The following ZFAT variants were observed in gnomAD, a reference collection of about 807,000 sequenced individuals.
ZFAT encodes zinc finger protein ZFAT.
In ZFAT, 64 loss-of-function variants were observed where a neutral mutation model predicts 117.7. The ratio of observed to expected loss-of-function variants is 0.54; its 90% CI spans 0.44 to 0.67. ZFAT has a LOEUF of 0.67. ZFAT is among the 30% of genes least tolerant of loss of function. The pLI, the probability that ZFAT is intolerant of heterozygous loss-of-function variation, is 0.00. For synonymous variants in ZFAT, 679 were observed against 615.0 expected, an observed-to-expected ratio of 1.10 and a Z score of -1.54; for missense variants, 1,433 against 1,584.5, an observed-to-expected ratio of 0.90 and a Z score of 1.62.
intron 1 of ZFAT, among the ~76,000 whole-genome samples, chr8:134,669,938 C>T (rs1228691297): frequency 1.3e-5 from 2 of 152,150 alleles, no homozygotes; most frequent in African/African-American, 4.8e-5. Flanking sequence ...ACAAAAAAGG[C>T]AGAGGTTGCA....
intron 15 of ZFAT, among the ~76,000 whole-genome samples, chr8:134,496,489 G>T (rs1339555731): frequency 6.6e-6 from 1 of 152,210 alleles, no homozygotes; most frequent in Non-Finnish European, 1.5e-5. Context: ...CCTGTGGTAG[G>T]GTATGCACTG....
At chr8:134,500,202 T>G (rs1229665543) in intron 15 of ZFAT, among the ~76,000 whole-genome samples, 3 of 152,124 alleles carry the variant, frequency 2.0e-5, no homozygotes, top group Non-Finnish European at 4.4e-5. Context: ...AGATGTCAAT[T>G]AAAACCGACC....
At chr8:134,800,778 G>GT in the ZFAT span, among the ~76,000 whole-genome samples, 3 of 152,036 alleles carry the variant, frequency 2.0e-5, no homozygotes, top group African/African-American at 7.2e-5. Flanking sequence ...TTGGGTGTTT[G>GT]TTTTTTTGGA....
chr8:134,546,867 G>A (rs2130668174), intron 11 of ZFAT, among the ~76,000 whole-genome samples: 1 of 152,306 alleles, frequency 6.6e-6, no homozygotes, highest in Middle Eastern at 3.4e-3. Flanking sequence ...TATTATCATT[G>A]ACAGTTTACA....
At position 134,682,549 on chromosome 8, in the gene ZFAT, G is replaced by A. The variant is rs538075913; in HGVS notation, c.20-24812C>T. 7.9e-5 allele frequency among the ~76,000 whole-genome samples: 12 copies of A among 152,340 alleles called. No individual in the cohort carries two copies. In the East Asian group the frequency reaches 2.3e-3, roughly 29 times the overall value. ...GCCTGCCTGTGGTCACAGCTACTGG[G>A]GAGGCTGAGGTGAGAGGATCGCTTG... is the stretch of plus-strand genomic sequence containing the variant. On this transcript the variant is annotated intron_variant, in intron 1 of 15. Transcript: ENST00000377838.
chr8:134,697,396 G>A (rs993661112), intron 1 of ZFAT, among the ~76,000 whole-genome samples: 13 of 150,558 alleles, frequency 8.6e-5, no homozygotes, highest in Admixed American at 2.0e-4. Context: ...ACAGGTGTGA[G>A]CCACCGCGCC....
At chr8:134,665,823 C>G (rs1832188016) in intron 1 of ZFAT, among the ~76,000 whole-genome samples, 1 of 152,170 alleles carries the variant, frequency 6.6e-6, no homozygotes, top group East Asian at 1.9e-4. Flanking sequence ...CCACTGGGGT[C>G]TCCAGAGCCC....
chr8:134,734,855 TA>T, the ZFAT span, among the ~76,000 whole-genome samples: 1 of 152,206 alleles, frequency 6.6e-6, no homozygotes, highest in Non-Finnish European at 1.5e-5. Flanking sequence ...CTGAGGGCAT[TA>T]GGAATAGTGG....
At chr8:134,649,305 C>G (rs1831095614) in intron 2 of ZFAT, among the ~76,000 whole-genome samples, 1 of 151,922 alleles carries the variant, frequency 6.6e-6, no homozygotes, top group Non-Finnish European at 1.5e-5. Flanking sequence ...ACTGGAGTTT[C>G]TTGCCAGGGA....
chr8:134,669,626 C>T (rs13252339), intron 1 of ZFAT, among the ~76,000 whole-genome samples: 52,605 of 151,988 alleles, frequency 0.35, 9,466 homozygotes, highest in South Asian at 0.43. Context: ...AAGGAACAAC[C>T]GGTACCAGCC....
chr8:134,702,544 C>T (rs1834039179), intron 1 of ZFAT, among the ~76,000 whole-genome samples: 1 of 152,156 alleles, frequency 6.6e-6, no homozygotes, highest in Non-Finnish European at 1.5e-5. Context: ...AGAGGTTTCC[C>T]CTTTCACTTG....
chr8:134,721,794 A>G, the ZFAT span, among the ~76,000 whole-genome samples: 12 of 152,136 alleles, frequency 7.9e-5, no homozygotes, highest in Non-Finnish European at 1.2e-4. Flanking sequence ...TCTCTTGAAC[A>G]GGGGACTCCT....
In ZFAT at chr8:134,590,346, T is replaced by C. The variant is rs1362082404; in HGVS notation, c.2485A>G (p.Ser829Gly). 1.2e-6 allele frequency: 2 copies of C among 1,609,794 alleles called. No individual in the cohort carries two copies. Among genetic ancestry groups the C allele is most frequent in the Non-Finnish European group, 1.7e-6 (2 of 1,177,164 alleles). ...LKVHTALDKR[S>G]YSCPVCEKSF... The stretch of plus-strand genomic sequence containing the variant: ...TTTTCACAAACAGGACAAGAATAAC[T>C]CCTTTTGTCCTTAATAGAAAGAGAA... Residue 829 changes from serine to glycine, a missense_variant, in exon 8 of 16, where the codon AGT becomes GGT. Coordinates refer to ENST00000377838, the MANE Select transcript of ZFAT (RefSeq NM_020863.4).
the ZFAT span, among the ~76,000 whole-genome samples, chr8:134,828,232 G>A: frequency 6.6e-6 from 1 of 151,996 alleles, no homozygotes; most frequent in Non-Finnish European, 1.5e-5. Flanking sequence ...GGAACTAAGA[G>A]CCTGTACTAA....
intron 1 of ZFAT, among the ~76,000 whole-genome samples, chr8:134,693,686 T>C (rs890906314): frequency 3.3e-5 from 5 of 152,080 alleles, no homozygotes; most frequent in African/African-American, 1.2e-4. Flanking sequence ...TAGACACCCA[T>C]CACGTAGCAG....
At chr8:134,729,650 T>G in the ZFAT span, among the ~76,000 whole-genome samples, 2 of 152,210 alleles carry the variant, frequency 1.3e-5, no homozygotes, top group African/African-American at 2.4e-5. Context: ...TGACTGCCAC[T>G]GAGGACTTTC....
chr8:134,550,310 G>GAAAAAAAAAGA (rs1823039094), intron 11 of ZFAT, among the ~76,000 whole-genome samples: 1 of 72,534 alleles, frequency 1.4e-5, no homozygotes, highest in Non-Finnish European at 2.6e-5. Context: ...GGTCACAACG[G>GAAAAAAAAAGA]AAAAAAAAAA....
chr8:134,654,291 T>C (rs1000719211), intron 2 of ZFAT, among the ~76,000 whole-genome samples: 1 of 151,328 alleles, frequency 6.6e-6, no homozygotes, highest in African/African-American at 2.4e-5. Flanking sequence ...AGAGCAAACT[T>C]GTCAAAGTCA....
At chr8:134,669,173 ACT>A (rs1832420519) in intron 1 of ZFAT, among the ~76,000 whole-genome samples, 1 of 152,180 alleles carries the variant, frequency 6.6e-6, no homozygotes, top group South Asian at 2.1e-4. Flanking sequence ...GGTGGAAAAC[ACT>A]CTGCAGGATA....
Sources: gnomAD v4.1 joint callset for allele counts (sites outside exome capture counted in the v4.1 genomes callset) on GRCh38, gnomAD v4.1.1 for gene constraint, MANE v1.5 for transcripts, NCBI Gene and HGNC (gene_info 2026-07-23, HGNC 2026-07-21) for gene names.